SLX4: variants seen among roughly 807,000 people sequenced by gnomAD.
SLX4 encodes the protein SLX4 structure-specific endonuclease subunit.
In SLX4, 112 loss-of-function variants were observed where a neutral mutation model predicts 146.2. That is an observed-to-expected ratio of 0.77 (90% CI 0.66 to 0.90). SLX4 has a LOEUF of 0.90. Ranked by LOEUF, SLX4 falls within the 40% of genes least tolerant of loss-of-function variation. SLX4 has a pLI of 0.00. For synonymous variants in SLX4, 1,061 were observed against 997.7 expected, an observed-to-expected ratio of 1.06 and a Z score of -1.20; for missense variants, 2,563 against 2,392.7, an observed-to-expected ratio of 1.07 and a Z score of -1.49.
In SLX4 at chr16:3,609,050, G is replaced by A; in HGVS notation, c.-86C>T. 6.8e-7 allele frequency: 1 copy of A among 1,472,712 alleles called. No homozygotes were observed. The highest frequency in any genetic ancestry group is 1.2e-5 in the South Asian group (1 of 84,304). 91.2% of individuals were successfully genotyped at this position (1,472,712 alleles called of 1,614,324 possible). ...TACTGTTTTCCTCTCTATAATGATT[G>A]AAGTATCTTTGTTCAAATTGGGCCT... is the stretch of plus-strand genomic sequence containing the variant. On this transcript the variant is annotated 5_prime_UTR_variant, in exon 2 of 15. Transcript: ENST00000294008.
intron 3 of SLX4, among the ~76,000 whole-genome samples, chr16:3,602,961 C>A (rs1033343274): frequency 3.3e-5 from 5 of 152,326 alleles, no homozygotes; most frequent in African/African-American, 9.6e-5. Context: ...CTGAACGCCT[C>A]ATAAATCCCC....
intron 9 of SLX4, 96 bp downstream of exon 9, chr16:3,595,509 G>GT (rs2040641213): frequency 1.4e-6 from 2 of 1,388,938 alleles, no homozygotes; most frequent in African/African-American, 2.8e-5. Context: ...CTGCACTTGC[G>GT]TTGGGGGCCA....
intron 12 of SLX4, among the ~76,000 whole-genome samples, chr16:3,585,142 C>T (rs1161698890): frequency 6.6e-6 from 1 of 152,112 alleles, no homozygotes; most frequent in Non-Finnish European, 1.5e-5. Flanking sequence ...CAGCCCGGCA[C>T]GTGACTAAAA....
Position 3,588,992 on chromosome 16 carries a change from G to C in SLX4, c.4636+10C>G, listed in dbSNP as rs757181978. On this transcript the variant is annotated intron_variant, in intron 12 of 14. Transcript: ENST00000294008. ...GACAGTCCCCTTCCCCAGCTCTCCT[G>C]GCTACTCACTGGGTGTCTCTAACCC... The C allele has an allele frequency of 1.9e-5, 31 of 1,613,762 alleles. No individual in the cohort carries two copies. The highest frequency in any genetic ancestry group is 2.7e-5 in the African/African-American group (2 of 74,908).
intron 8 of SLX4, 42 bp downstream of exon 8, chr16:3,596,111 G>T: frequency 6.5e-7 from 1 of 1,537,178 alleles, no homozygotes; most frequent in South Asian, 1.2e-5. Flanking sequence ...GGGGAGGCCC[G>T]GGAGGGCAGG....
intron 2 of SLX4, among the ~76,000 whole-genome samples, chr16:3,607,653 C>T (rs2040801939): frequency 6.6e-6 from 1 of 151,992 alleles, no homozygotes; most frequent in Non-Finnish European, 1.5e-5. Flanking sequence ...CCACTGCACT[C>T]CAGCCTGGGT....
chr16:3,584,736 C>G, intron 13 of SLX4, 33 bp downstream of exon 13: 1 of 1,522,374 alleles, frequency 6.6e-7, no homozygotes, highest in Non-Finnish European at 9.1e-7. Flanking sequence ...GGGAAAAGAC[C>G]ACTGTGGGCA....
chr16:3,595,842 G>T, intron 8 of SLX4, 149 bp from the exon 9 acceptor site: 1 of 970,508 alleles, frequency 1.0e-6, no homozygotes, highest in Non-Finnish European at 1.6e-6. Context: ...AAGCAAACCC[G>T]CACACCCTGT....
chr16:3,597,464 C>T lies in SLX4; in HGVS notation c.1598G>A (p.Gly533Asp), dbSNP rs369243098. The T allele has an allele frequency of 5.6e-6, 9 of 1,613,566 alleles. No homozygotes were observed. The African/African-American group carries it at 1.1e-4, about 19-fold the overall frequency. The change falls in exon 7 of 15, where the codon GGC becomes GAC. Residue 533 changes from glycine to aspartate, a missense_variant. Physicochemically the swap from Gly to Asp is moderately conservative, Grantham distance 94. Coordinates refer to ENST00000294008, the MANE Select transcript of SLX4 (RefSeq NM_032444.4). The surrounding 1 kb of genome is among the most constrained non-coding windows in gnomAD (Gnocchi z 4.4). ...PERKQSFLWE[G>D]SALTGAWAME... Reference sequence around the variant, plus strand: ...GGCCCAGGCCCCAGTCAGTGCGCTGCCCTCCCACAGAAAGCTCTGCTTGCG... The same window carrying T: ...GGCCCAGGCCCCAGTCAGTGCGCTGTCCTCCCACAGAAAGCTCTGCTTGCG...
chr16:3,595,715 T>C (rs1043416553), intron 8 of SLX4, 22 bp from the exon 9 acceptor site: 3 of 1,612,460 alleles, frequency 1.9e-6, no homozygotes, highest in Middle Eastern at 3.3e-4. Context: ...ATTCACAGGT[T>C]AAAGGAACGT....
intron 12 of SLX4, 56 bp from the exon 13 acceptor site, chr16:3,584,927 T>C (rs1472780940): frequency 8.2e-7 from 1 of 1,225,092 alleles, no homozygotes; most frequent in Non-Finnish European, 1.2e-6. Flanking sequence ...ATTTCCCACA[T>C]CTGATCCCAG....
rs773177996 is a variant in SLX4 at position 3,592,651 on chromosome 16, C to T, written c.2327+48G>A. The T allele has an allele frequency of 3.8e-6, 6 of 1,589,570 alleles. No individual in the cohort carries two copies. The South Asian group carries it at 5.7e-5, about 15-fold the overall frequency. On this transcript the variant is annotated intron_variant, in intron 11 of 14. Coordinates refer to ENST00000294008, the MANE Select transcript of SLX4 (RefSeq NM_032444.4). Reference sequence around the variant, plus strand: ...AGCACAACCCTCCAGAGCTGTTAACCTGCCAGTCCTCGTCAGTTAATTTCA... The same window carrying T: ...AGCACAACCCTCCAGAGCTGTTAACTTGCCAGTCCTCGTCAGTTAATTTCA...
At position 3,608,433 on chromosome 16, in the gene SLX4, T is replaced by C. The variant is rs1299772522; in HGVS notation, c.532A>G (p.Arg178Gly). Residue 178 changes from arginine (R) to glycine (G), a missense_variant, in exon 2 of 15, where the codon AGA becomes GGA. Arg to Gly is a moderately radical substitution (Grantham distance 125). Transcript: ENST00000294008. ...GGTTTAAAAGAGTACAAATTACCTC[T>C]GGTTTTCTCTCTGGAAAGGTTTGGC... ...PSPNLSREKT[R>G]ENVPNSDSQP... 3 of 1,614,082 alleles carry C rather than the reference T, an allele frequency of 1.9e-6. No individual in the cohort carries two copies. The highest frequency in any genetic ancestry group is 1.3e-5 in the African/African-American group (1 of 74,928).
chr16:3,603,146 C>T (rs1277174401), intron 3 of SLX4, among the ~76,000 whole-genome samples: 4 of 152,164 alleles, frequency 2.6e-5, no homozygotes, highest in South Asian at 2.1e-4. Context: ...CTCTGCCTCC[C>T]GGGTCCAAGC....
chr16:3,600,848 G>T, intron 5 of SLX4, 131 bp downstream of exon 5: 1 of 909,260 alleles, frequency 1.1e-6, no homozygotes, highest in Non-Finnish European at 1.7e-6. Flanking sequence ...TGCCCACCTT[G>T]GCCTCCCAAA....
At chr16:3,588,273 C>T (rs1193761659) in intron 12 of SLX4, among the ~76,000 whole-genome samples, 1 of 152,264 alleles carries the variant, frequency 6.6e-6, no homozygotes, top group Non-Finnish European at 1.5e-5. Context: ...CACTAACCTG[C>T]ATTTTCTCTG....
At chr16:3,582,744 T>G (rs1352834386) in intron 14 of SLX4, 51 bp from the exon 15 acceptor site, 1 of 1,489,908 alleles carries the variant, frequency 6.7e-7, no homozygotes, top group Non-Finnish European at 9.2e-7. Context: ...CTCCAGCCCC[T>G]GAGACCATGA....
chr16:3,587,099 G>T (rs1192235266), intron 12 of SLX4, among the ~76,000 whole-genome samples: 1 of 152,154 alleles, frequency 6.6e-6, no homozygotes, highest in Non-Finnish European at 1.5e-5. Flanking sequence ...AGAGAGTGGG[G>T]ACAATTGTAC....
intron 2 of SLX4, among the ~76,000 whole-genome samples, chr16:3,607,691 CTAAG>C (rs1283034596): frequency 2.0e-5 from 3 of 151,998 alleles, no homozygotes; most frequent in Non-Finnish European, 2.9e-5. Context: ...TCTCTAAAAA[CTAAG>C]TAAGTAAATA....
Sources: allele counts gnomAD v4.1 joint callset (sites outside exome capture counted in the v4.1 genomes callset), GRCh38; gene constraint gnomAD v4.1.1; non-coding constraint Gnocchi (gnomAD v3.1); transcripts MANE v1.5; gene names NCBI Gene and HGNC (gene_info 2026-07-23, HGNC 2026-07-21).